The following NCR2 variants were observed in gnomAD, a reference collection of about 807,000 sequenced individuals.
NCR2 encodes the protein natural cytotoxicity triggering receptor 2.
In NCR2, 35 loss-of-function variants were observed where a neutral mutation model predicts 30.7. That is an observed-to-expected ratio of 1.14 (90% CI 0.87 to 1.51). The LOEUF (loss-of-function observed/expected upper bound fraction) is 1.51. NCR2 is among the 40% of genes most tolerant of loss of function. The pLI, the probability that NCR2 is intolerant of heterozygous loss-of-function variation, is 0.00. For synonymous variants in NCR2, 146 were observed against 134.8 expected (o/e 1.08, Z -0.58); for missense variants, 316 against 328.9 (o/e 0.96, Z 0.30).
intron 2 of NCR2, among the ~76,000 whole-genome samples, chr6:41,339,143 C>A (rs1396238540): frequency 6.6e-6 from 1 of 151,464 alleles, no homozygotes; most frequent in Non-Finnish European, 1.5e-5. Flanking sequence ...CTCACTGCAA[C>A]CTCCACCTCC....
At chr6:41,346,161 C>G (rs938825109) in intron 4 of NCR2, among the ~76,000 whole-genome samples, 5 of 152,122 alleles carry the variant, frequency 3.3e-5, no homozygotes, top group African/African-American at 1.2e-4. Flanking sequence ...CCAGGCTCAG[C>G]GTCACTCTGA....
At chr6:41,343,094 T>A (rs1316478775) in intron 4 of NCR2, 1 of 1,343,356 alleles carries the variant, frequency 7.4e-7, no homozygotes, top group Non-Finnish European at 1.0e-6. Flanking sequence ...TCTGCTGTTA[T>A]CCGCAAAGAA....
chr6:41,335,764 C>A lies in NCR2; in HGVS notation c.-113C>A, dbSNP rs1581657467. ...CCCCAACCCAGGCCTCAGCCTGTCT[C>A]ATTTTTCTATCAGACGTGCTGGAAG... On this transcript the variant is annotated 5_prime_UTR_variant, in exon 1 of 5. Transcript: ENST00000373089. 1 of 1,230,458 alleles carries A rather than the reference C, an allele frequency of 8.1e-7. No individual in the cohort carries two copies. The highest frequency in any genetic ancestry group is 1.5e-5 in the African/African-American group (1 of 67,458). 76.2% of individuals were successfully genotyped at this position (1,230,458 alleles called of 1,614,324 possible).
Position 41,336,325 on chromosome 6 carries a change from T to G in NCR2, c.291T>G (p.Thr97=). Reference sequence around the variant, plus strand: ...CTGGCTTCTTCACTGTCACCATGACTGATCTGAGAGAGGAAGACTCAGGAC... The same window carrying G: ...CTGGCTTCTTCACTGTCACCATGACGGATCTGAGAGAGGAAGACTCAGGAC... ...PDAGFFTVTM[T]DLREEDSGHY... The change falls in exon 2 of 5, where the codon ACT becomes ACG. Residue 97 remains threonine (T), a synonymous_variant. Transcript: ENST00000373089. 1 of 1,614,094 alleles carries G rather than the reference T, an allele frequency of 6.2e-7. No homozygotes were observed. Among genetic ancestry groups the G allele is most frequent in the Non-Finnish European group, 8.5e-7 (1 of 1,180,024 alleles).
Position 41,336,162 on chromosome 6 carries a change from C to T in NCR2, c.128C>T (p.Pro43Leu), listed in dbSNP as rs746936647. ...ACGCTAACCGTGAGATGCCAGTACC[C>T]GCCCACGGGCAGTCTCTACGAGAAG... ...GQTLTVRCQY[P>L]PTGSLYEKKG... The change falls in exon 2 of 5, where the codon CCG becomes CTG. Residue 43 changes from proline (P) to leucine (L), a missense_variant. Pro to Leu is a moderately conservative substitution (Grantham distance 98). Transcript: ENST00000373089. The T allele has an allele frequency of 9.0e-5, 145 of 1,614,034 alleles. No individual in the cohort carries two copies. The highest frequency in any genetic ancestry group is 1.6e-4 in the Middle Eastern group (1 of 6,084).
chr6:41,338,236 A>T (rs143728085), intron 2 of NCR2, among the ~76,000 whole-genome samples: 266 of 152,364 alleles, frequency 1.7e-3, no homozygotes, highest in African/African-American at 5.5e-3. Context: ...TAGATGAAAC[A>T]TGCTCAACAA....
chr6:41,337,880 T>C (rs1769074706), intron 2 of NCR2, among the ~76,000 whole-genome samples: 1 of 152,254 alleles, frequency 6.6e-6, no homozygotes, highest in Non-Finnish European at 1.5e-5. Context: ...TCTAGATCTA[T>C]GAATTTCCTC....
intron 4 of NCR2, among the ~76,000 whole-genome samples, chr6:41,350,316 T>A (rs1019778137): frequency 1.3e-5 from 2 of 152,100 alleles, no homozygotes; most frequent in African/African-American, 2.4e-5. Flanking sequence ...CAGACTCAAC[T>A]GTGACACAGC....
rs1454229245 is a variant in NCR2 at position 41,341,664 on chromosome 6, A to G, written c.395-130A>G. On this transcript the variant is annotated intron_variant, in intron 2 of 4. Coordinates refer to ENST00000373089, the MANE Select transcript of NCR2 (RefSeq NM_004828.4). ...TTCACAGTTCAGTCCCCACCCCTCAAATTAGTTTTCTTCTCTGGGCGCATG... is the reference window on the plus strand; with the variant it reads ...TTCACAGTTCAGTCCCCACCCCTCAGATTAGTTTTCTTCTCTGGGCGCATG... 1.9e-5 allele frequency: 23 copies of G among 1,226,768 alleles called. No individual in the cohort carries two copies. The East Asian group carries it at 4.0e-4, about 21-fold the overall frequency. 76.0% of individuals were successfully genotyped at this position (1,226,768 alleles called of 1,614,324 possible). A position where few individuals can be genotyped will look rare whatever the true frequency, so the allele number is the denominator to read the frequency against.
rs758681631 is a variant in NCR2 at position 41,342,086 on chromosome 6, T to C, written c.581T>C (p.Val194Ala). ...RPGPAAPIAL[V>A]PVFCGLLVAK... ...GGCCCTGCAGCCCCCATTGCCCTGG[T>C]GCCTGTGTTCTGTGGACTCCTCGTA... Residue 194 changes from valine to alanine, a missense_variant, in exon 4 of 5, where the codon GTG becomes GCG. Val to Ala is a moderately conservative substitution (Grantham distance 64). Transcript: ENST00000373089. 11 of 1,613,784 alleles carry C rather than the reference T, an allele frequency of 6.8e-6. No homozygotes were observed. The Admixed American group carries it at 1.2e-4, about 17-fold the overall frequency.
chr6:41,340,823 G>A (rs1191184986), intron 2 of NCR2, among the ~76,000 whole-genome samples: 1 of 152,048 alleles, frequency 6.6e-6, no homozygotes. Flanking sequence ...GGGTTATCCT[G>A]GCCAGCATCC....
At chr6:41,342,844 G>A in intron 4 of NCR2, 1 of 1,335,072 alleles carries the variant, frequency 7.5e-7, no homozygotes. Context: ...CTGGAGGAGG[G>A]GCAGGCTTGG....
At chr6:41,336,521 A>G in intron 2 of NCR2, 93 bp downstream of exon 2, 2 of 1,044,794 alleles carry the variant, frequency 1.9e-6, no homozygotes, top group Non-Finnish European at 1.4e-6. Flanking sequence ...GAAGCCACCC[A>G]TGCCCACGCC....
intron 4 of NCR2, among the ~76,000 whole-genome samples, chr6:41,349,064 A>C (rs2114068939): frequency 6.8e-6 from 1 of 146,728 alleles, no homozygotes; most frequent in African/African-American, 2.5e-5. Flanking sequence ...AAATTATTAT[A>C]GTTTATTATA....
Position 41,337,231 on chromosome 6 carries a change from AG to A in NCR2, c.394+804del, listed in dbSNP as rs199771958. 5.5e-3 allele frequency among the ~76,000 whole-genome samples: 840 copies of A among 152,370 alleles called. 11 individuals carry two copies. Among genetic ancestry groups the A allele is most frequent in the African/African-American group, 0.018 (768 of 41,586 alleles). ...AGAAAAATAAGAAAAAGATATATAA[AG>A]TACAAGCCCAACATTTATTAAATTT... On this transcript the variant is annotated intron_variant, in intron 2 of 4. Transcript: ENST00000373089.
intron 4 of NCR2, 28 bp downstream of exon 4, chr6:41,342,177 GA>G: frequency 1.2e-6 from 2 of 1,609,104 alleles, no homozygotes. Context: ...TGAACTCGGG[GA>G]AAATGGAACA....
At chr6:41,350,121 G>T (rs149947702) in intron 4 of NCR2, among the ~76,000 whole-genome samples, 1,548 of 152,272 alleles carry the variant, frequency 0.01, 27 homozygotes, top group African/African-American at 0.035. Flanking sequence ...CCAACTAAAT[G>T]ATGCTGGAAA....
At chr6:41,348,225 G>T (rs77012537) in intron 4 of NCR2, among the ~76,000 whole-genome samples, 2,937 of 152,142 alleles carry the variant, frequency 0.019, 37 homozygotes, top group South Asian at 0.036. Flanking sequence ...CCCACCAAAG[G>T]TCTCCCAAAG....
At chr6:41,336,786 G>T (rs1769043828) in intron 2 of NCR2, among the ~76,000 whole-genome samples, 1 of 152,140 alleles carries the variant, frequency 6.6e-6, no homozygotes, top group Admixed American at 6.5e-5. Flanking sequence ...ACCATGTAGA[G>T]CCAGTGGTAT....
Sources: allele counts gnomAD v4.1 joint callset (sites outside exome capture counted in the v4.1 genomes callset), GRCh38; gene constraint gnomAD v4.1.1; transcripts MANE v1.5; gene names NCBI Gene and HGNC (gene_info 2026-07-23, HGNC 2026-07-21).